Variants in COG4 observed in about 807,000 individuals in gnomAD.
The protein encoded by COG4 is conserved oligomeric Golgi complex subunit 4.
In COG4, 65 loss-of-function variants were observed where a neutral mutation model predicts 95.1. The ratio of observed to expected loss-of-function variants is 0.68; its 90% CI spans 0.56 to 0.84. COG4 has a LOEUF of 0.84. COG4 is among the 40% of genes least tolerant of loss of function. The pLI is 0.00. For missense variants in COG4, 1,045 were observed against 989.1 expected (o/e 1.06, Z -0.76); for synonymous variants, 421 against 374.8 (o/e 1.12, Z -1.42).
At chr16:70,488,432 T>A (rs1031736002) in intron 13 of COG4, among the ~76,000 whole-genome samples, 2 of 150,480 alleles carry the variant, frequency 1.3e-5, no homozygotes, top group African/African-American at 4.9e-5. Context: ...CAGCCTATTA[T>A]TGCTTTTTAA....
chr16:70,496,608 C>T (rs1203945098), intron 11 of COG4, among the ~76,000 whole-genome samples, 177 bp from the exon 12 acceptor site: 1 of 152,146 alleles, frequency 6.6e-6, no homozygotes, highest in Non-Finnish European at 1.5e-5. Flanking sequence ...AACCAGCACC[C>T]CGTCAAGGAC....
chr16:70,514,732 T>A (rs895360990), intron 3 of COG4, among the ~76,000 whole-genome samples: 1 of 152,106 alleles, frequency 6.6e-6, no homozygotes, highest in Non-Finnish European at 1.5e-5. Context: ...TCTTTTTTTT[T>A]AGACAGAGTC....
intron 1 of COG4, among the ~76,000 whole-genome samples, chr16:70,520,259 C>A (rs1288681740): frequency 6.6e-6 from 1 of 151,866 alleles, no homozygotes; most frequent in Admixed American, 6.6e-5. Context: ...CACGGTGAAA[C>A]CCTGTCTCTA....
At chr16:70,508,978 C>T (rs1312487417) in intron 7 of COG4, 25 of 572,170 alleles carry the variant, frequency 4.4e-5, no homozygotes, top group Admixed American at 8.3e-5. Flanking sequence ...TGGTTTACTA[C>T]TTCTGCTGTG....
At chr16:70,504,516 A>G (rs2049518677) in intron 8 of COG4, among the ~76,000 whole-genome samples, 1 of 151,448 alleles carries the variant, frequency 6.6e-6, no homozygotes, top group Non-Finnish European at 1.5e-5. Context: ...CAGAGGCACG[A>G]GAACTGCTTG....
intron 8 of COG4, among the ~76,000 whole-genome samples, chr16:70,506,288 A>G (rs964788279): frequency 6.6e-6 from 1 of 151,984 alleles, no homozygotes; most frequent in Non-Finnish European, 1.5e-5. Flanking sequence ...CTGTAGTCCC[A>G]GCTACACGGG....
intron 3 of COG4, among the ~76,000 whole-genome samples, chr16:70,516,319 G>C (rs7185011): frequency 0.12 from 17,700 of 147,610 alleles, 3,485 homozygotes; most frequent in African/African-American, 0.41. Flanking sequence ...TTTTTTTTGA[G>C]ACAGAATCTC....
intron 16 of COG4, 111 bp downstream of exon 16, chr16:70,481,981 G>T: frequency 1.5e-6 from 2 of 1,330,210 alleles, no homozygotes; most frequent in Non-Finnish European, 1.1e-6. Context: ...TACAGGTGAG[G>T]GTTGGAAGGG....
At chr16:70,482,360 G>A in intron 15 of COG4, 185 bp from the exon 16 acceptor site, 2 of 669,590 alleles carry the variant, frequency 3.0e-6, no homozygotes, top group Non-Finnish European at 5.4e-6. Context: ...AACAGCCCAG[G>A]GCTGTAGCAG....
rs1002082585 is a variant in COG4, at chr16:70,523,071, A to G, written c.171+302T>C. 7 of 419,388 alleles carry G rather than the reference A, an allele frequency of 1.7e-5. No homozygotes were observed. The Admixed American group carries it at 2.8e-4, about 17-fold the overall frequency. 26.0% of individuals were successfully genotyped at this position (419,388 alleles called of 1,614,324 possible). ...TTTTGAGAACCAAGCAATTTGGCAA[A>G]TACTCTCAGACTAACTTTACTCCCG... On this transcript the variant is annotated intron_variant, in intron 1 of 18. Coordinates refer to ENST00000323786, the MANE Select transcript of COG4 (RefSeq NM_015386.3).
At position 70,514,404 on chromosome 16, in the gene COG4, C is replaced by T; in HGVS notation, c.475G>A (p.Ala159Thr). 1.2e-6 allele frequency: 2 copies of T among 1,614,030 alleles called. No individual in the cohort carries two copies. The highest frequency in any genetic ancestry group is 2.2e-5 in the South Asian group (2 of 91,078). Residue 159 changes from alanine to threonine, a missense_variant, in exon 4 of 19, where the codon GCA (alanine) becomes ACA (threonine). Coordinates refer to ENST00000323786, the MANE Select transcript of COG4 (RefSeq NM_015386.3). ...ALRSEDYEQA[A>T]AHTHRYLCLD... ...CACAAGTAGCGATGAGTATGTGCTG[C>T]AGCCTGCTCATAATCTTCACTCCTC...
At position 70,514,316 on chromosome 16, in the gene COG4, A is replaced by T. The variant is rs74324138; in HGVS notation, c.544+19T>A. On this transcript the variant is annotated intron_variant, in intron 4 of 18. Transcript: ENST00000323786. ...GATGATTTTAACTAAACTAAAAACC[A>T]ACAGTTTCGGATGCTGACCCTCTTT... The T allele has an allele frequency of 0.073, 118,270 of 1,612,982 alleles. 4,791 individuals carry two copies. Among genetic ancestry groups the T allele is most frequent in the Non-Finnish European group, 0.079 (92,681 of 1,179,026 alleles).
chr16:70,488,153 A>G (rs2049175059), intron 13 of COG4, among the ~76,000 whole-genome samples: 1 of 148,930 alleles, frequency 6.7e-6, no homozygotes, highest in Non-Finnish European at 1.5e-5. Context: ...TTTTCTTTTG[A>G]GATGGAGTCT....
rs1206169304 is a variant in COG4 at position 70,481,072 on chromosome 16, G to A, written c.2308C>T (p.Arg770Cys). 1.1e-5 allele frequency: 18 copies of A among 1,613,278 alleles called. No individual in the cohort carries two copies. Among genetic ancestry groups the A allele is most frequent in the Middle Eastern group, 1.6e-4 (1 of 6,076 alleles). The change falls in exon 19 of 19, where the codon CGC becomes TGC. Residue 770 changes from arginine (R) to cysteine (C), a missense_variant. Arg to Cys is a radical substitution (Grantham distance 180). Transcript: ENST00000323786. ...TCTATCCGCAGGGCCAGCACCTGGCGCACTTCAGCAGGGGTGAGGCGCCAC... is the reference window on the plus strand; with the variant it reads ...TCTATCCGCAGGGCCAGCACCTGGCACACTTCAGCAGGGGTGAGGCGCCAC... ...LTWRLTPAEV[R>C]QVLALRIDFR... is the part of the protein sequence containing the mutation.
Position 70,514,585 on chromosome 16 carries a change from G to C in COG4, c.370-76C>G, listed in dbSNP as rs1278456037. On this transcript the variant is annotated intron_variant, in intron 3 of 18. Coordinates refer to ENST00000323786, the MANE Select transcript of COG4 (RefSeq NM_015386.3). ...CCCCTCAAGAAGGTAGGGAGATTCA[G>C]GAGCTGAATCTGATCAACCATATGT... The C allele has an allele frequency of 3.8e-6, 5 of 1,303,140 alleles. No individual in the cohort carries two copies. The African/African-American group carries it at 7.3e-5, about 19-fold the overall frequency. 80.7% of individuals were successfully genotyped at this position (1,303,140 alleles called of 1,614,324 possible). A position where few individuals can be genotyped will look rare whatever the true frequency, so the allele number is the denominator to read the frequency against.
intron 13 of COG4, 108 bp downstream of exon 13, chr16:70,490,222 G>T: frequency 1.1e-6 from 1 of 908,192 alleles, no homozygotes; most frequent in Non-Finnish European, 1.8e-6. Context: ...CCTCAAGTGT[G>T]GCTCAATGTC....
intron 1 of COG4, among the ~76,000 whole-genome samples, chr16:70,521,993 G>A (rs2049955379): frequency 6.7e-6 from 1 of 150,166 alleles, no homozygotes; most frequent in Non-Finnish European, 1.5e-5. Flanking sequence ...GAGCCACCGC[G>A]CCAGGCTTTT....
chr16:70,500,580 C>T (rs1165649266), intron 9 of COG4, among the ~76,000 whole-genome samples: 1 of 151,308 alleles, frequency 6.6e-6, no homozygotes, highest in Non-Finnish European at 1.5e-5. Context: ...AGGCTGGTCT[C>T]GAACTCCTGA....
intron 3 of COG4, among the ~76,000 whole-genome samples, chr16:70,515,704 CAATAAATA>C (rs907546414): frequency 6.6e-6 from 1 of 152,024 alleles, no homozygotes; most frequent in African/African-American, 2.4e-5. Flanking sequence ...ATCAATCAAT[CAATAAATA>C]AATAAAACAT....
Sources: gnomAD v4.1 joint callset for allele counts (sites outside exome capture counted in the v4.1 genomes callset) on GRCh38, gnomAD v4.1.1 for gene constraint, MANE v1.5 for transcripts, NCBI Gene and HGNC (gene_info 2026-07-23, HGNC 2026-07-21) for gene names.